The following SEMA6D variants were observed in gnomAD, a reference collection of about 807,000 sequenced individuals.
The protein encoded by SEMA6D is semaphorin-6D.
A neutral mutation model predicts 106.6 loss-of-function variants in SEMA6D; 35 were observed. That is an observed-to-expected ratio of 0.33 (90% CI 0.25 to 0.44). The LOEUF is 0.44. SEMA6D is among the 20% of genes least tolerant of loss of function. SEMA6D has a pLI of 1.00. For missense variants in SEMA6D, 1,185 were observed against 1,345.9 expected (o/e 0.88, Z 1.87); for synonymous variants, 499 against 487.7 (o/e 1.02, Z -0.31).
intron 3 of SEMA6D, among the ~76,000 whole-genome samples, chr15:47,516,365 A>G (rs759407531): frequency 7.2e-5 from 11 of 152,282 alleles, no homozygotes; most frequent in Admixed American, 2.0e-4. Context: ...AATTCTGTCT[A>G]TTTGCTCCCA....
intron 1 of SEMA6D, among the ~76,000 whole-genome samples, chr15:47,252,084 T>G (rs1358608479): frequency 6.7e-6 from 1 of 149,556 alleles, no homozygotes; most frequent in Non-Finnish European, 1.5e-5. Context: ...CCCGGCTAAT[T>G]TTTTGTATTT....
intron 4 of SEMA6D, among the ~76,000 whole-genome samples, chr15:47,694,252 G>A (rs1438047937): frequency 6.6e-6 from 1 of 152,092 alleles, no homozygotes; most frequent in Non-Finnish European, 1.5e-5. Context: ...ATCTAATGCA[G>A]CAATACTTTA....
chr15:47,702,678 A>G (rs990359591), intron 4 of SEMA6D, among the ~76,000 whole-genome samples: 4 of 152,234 alleles, frequency 2.6e-5, no homozygotes, highest in African/African-American at 9.6e-5. Flanking sequence ...AATATTATTC[A>G]ATATTAGAAT....
At chr15:47,630,131 T>C (rs1748654002) in intron 4 of SEMA6D, among the ~76,000 whole-genome samples, 1 of 151,920 alleles carries the variant, frequency 6.6e-6, no homozygotes, top group African/African-American at 2.4e-5. Context: ...TCCATACTGT[T>C]TTCCCTAGTG....
chr15:47,314,361 G>T (rs2036558432), intron 1 of SEMA6D, among the ~76,000 whole-genome samples: 1 of 151,798 alleles, frequency 6.6e-6, no homozygotes, highest in Non-Finnish European at 1.5e-5. Flanking sequence ...CACTTTGGGA[G>T]GCCGAGGCGG....
intron 1 of SEMA6D, among the ~76,000 whole-genome samples, chr15:47,385,133 T>C (rs2039787691): frequency 6.7e-6 from 1 of 149,448 alleles, no homozygotes. Context: ...CATGCAAATA[T>C]TGCATCCAAC....
intron 4 of SEMA6D, among the ~76,000 whole-genome samples, chr15:47,674,155 G>A (rs996700577): frequency 3.3e-5 from 5 of 152,162 alleles, no homozygotes; most frequent in Admixed American, 2.6e-4. Flanking sequence ...TTGGGTCTGA[G>A]CCCAATTAAA....
At chr15:47,550,025 A>G (rs2045635443) in intron 3 of SEMA6D, among the ~76,000 whole-genome samples, 1 of 152,220 alleles carries the variant, frequency 6.6e-6, no homozygotes, top group Admixed American at 6.5e-5. Flanking sequence ...GAGAGTAGAA[A>G]GGTATCTTTG....
intron 4 of SEMA6D, among the ~76,000 whole-genome samples, chr15:47,627,229 G>T (rs1048641711): frequency 1.3e-5 from 2 of 152,116 alleles, no homozygotes; most frequent in Non-Finnish European, 2.9e-5. Context: ...GTTCATCTTT[G>T]CCTTTAACAT....
intron 4 of SEMA6D, among the ~76,000 whole-genome samples, chr15:47,652,088 T>C (rs2077703338): frequency 2.0e-5 from 3 of 152,240 alleles, no homozygotes; most frequent in African/African-American, 7.2e-5. Flanking sequence ...AATATACTGT[T>C]CTACCTTTAC....
chr15:47,764,235 C>T lies in SEMA6D; in HGVS notation c.1027C>T (p.Arg343Trp), dbSNP rs2082214790. ...TGACATTGAAAAAGTATTCAAAGGA[C>T]GGTTTAAGGAACAGAAAACTCCAGA... The part of the protein sequence containing the change: ...MDDIEKVFKG[R>W]FKEQKTPDSV... Residue 343 changes from arginine to tryptophan, a missense_variant, in exon 11 of 19, where the codon CGG becomes TGG. Arg to Trp is a moderately radical substitution (Grantham distance 101, BLOSUM62 -3). Transcript: ENST00000536845. The T allele has an allele frequency of 1.2e-5, 19 of 1,613,742 alleles. No homozygotes were observed. The highest frequency in any genetic ancestry group is 3.3e-5 in the South Asian group (3 of 91,060).
At chr15:47,311,799 C>T (rs981559018) in intron 1 of SEMA6D, among the ~76,000 whole-genome samples, 3 of 152,122 alleles carry the variant, frequency 2.0e-5, no homozygotes, top group African/African-American at 7.2e-5. Flanking sequence ...AAATCTCTTT[C>T]GGTGAGTTTT....
chr15:47,663,187 T>C (rs1179039197), intron 4 of SEMA6D, among the ~76,000 whole-genome samples: 1 of 152,282 alleles, frequency 6.6e-6, no homozygotes. Context: ...CTCCCTTAAT[T>C]CAGTGGGCAG....
intron 2 of SEMA6D, among the ~76,000 whole-genome samples, chr15:47,442,410 T>A (rs1365756673): frequency 6.6e-6 from 1 of 152,106 alleles, no homozygotes; most frequent in Non-Finnish European, 1.5e-5. Context: ...ATATCTGTTC[T>A]ATAATGCTAA....
In SEMA6D at chr15:47,358,050, ATAGTTT is replaced by A. The variant is rs1284473378; in HGVS notation, c.-238-54339_-238-54334del. On this transcript the variant is annotated intron_variant, in intron 1 of 19. Transcript: ENST00000558014. Reference sequence around the variant, plus strand: ...ATCTCCATATTTCCGTAGACTTCTGATAGTTTTAGAGAATCATTTTCTCAGAGCCCT... The same window carrying A: ...ATCTCCATATTTCCGTAGACTTCTGATAGAGAATCATTTTCTCAGAGCCCT... Among the ~76,000 whole-genome samples the A allele has an allele frequency of 3.9e-5, 6 of 152,276 alleles. No individual in the cohort carries two copies. The East Asian group carries it at 1.2e-3, about 29-fold the overall frequency.
intron 1 of SEMA6D, among the ~76,000 whole-genome samples, chr15:47,208,174 A>AT (rs926830786): frequency 4.6e-5 from 7 of 151,826 alleles, no homozygotes; most frequent in South Asian, 2.1e-4. Context: ...TAGTTTCCAC[A>AT]TTTTTTTTAA....
At chr15:47,413,338 G>C (rs2040860655) in intron 2 of SEMA6D, among the ~76,000 whole-genome samples, 1 of 151,956 alleles carries the variant, frequency 6.6e-6, no homozygotes, top group Admixed American at 6.6e-5. Context: ...TGGATTCTTT[G>C]AACCCCGTTT....
At position 47,386,535 on chromosome 15, in the gene SEMA6D, C is replaced by T. The variant is rs59584723; in HGVS notation, c.-238-25858C>T. Among the ~76,000 whole-genome samples the T allele has an allele frequency of 1.1e-3, 163 of 152,252 alleles. 2 individuals carry two copies. The East Asian group carries it at 0.019, about 18-fold the overall frequency. On this transcript the variant is annotated intron_variant, in intron 1 of 19. Transcript: ENST00000558014. ...GGAGAGGGGAAAAGTCCTAGATAGG[C>T]GTGCAGTCTAATGAAAGTTCCGCAA...
chr15:47,323,196 A>G (rs1196109732), intron 1 of SEMA6D, among the ~76,000 whole-genome samples: 2 of 152,130 alleles, frequency 1.3e-5, no homozygotes, highest in Admixed American at 6.5e-5. Flanking sequence ...CCTGTTGTCC[A>G]GGTAGTAGGA....
Sources: gnomAD v4.1 joint callset for allele counts (sites outside exome capture counted in the v4.1 genomes callset) on GRCh38, gnomAD v4.1.1 for gene constraint, MANE v1.5 for transcripts, NCBI Gene and HGNC (gene_info 2026-07-23, HGNC 2026-07-21) for gene names.